RBFOX1: variants seen among roughly 807,000 people sequenced by gnomAD.
RBFOX1 encodes RNA binding fox-1 homolog 1.
In RBFOX1, 8 loss-of-function variants were observed where a neutral mutation model predicts 57.7. The observed-to-expected ratio is 0.14, with a 90% CI of 0.08 to 0.25. RBFOX1 has a LOEUF of 0.25. Among genes scored for constraint, RBFOX1 ranks in the 10% least tolerant of loss-of-function variants. The probability of loss-of-function intolerance (pLI) is 1.00; values close to 1 mark genes in which losing one functional copy is unlikely to be tolerated. For synonymous variants in RBFOX1, 326 were observed against 222.4 expected (o/e 1.47, Z -4.15); for missense variants, 611 against 548.5 (o/e 1.11, Z -1.14).
At chr16:6,311,351 T>C (rs979940721) in intron 1 of RBFOX1, among the ~76,000 whole-genome samples, 2 of 151,740 alleles carry the variant, frequency 1.3e-5, no homozygotes, top group African/African-American at 4.8e-5. Context: ...GGTTTTGTTC[T>C]TGTTAGGCTC....
At chr16:7,569,926 C>G (rs1286862682) in intron 5 of RBFOX1, among the ~76,000 whole-genome samples, 1 of 150,402 alleles carries the variant, frequency 6.6e-6, no homozygotes, top group African/African-American at 2.5e-5. Flanking sequence ...AATGTAAGTA[C>G]TGATACTTGA....
intron 2 of RBFOX1, among the ~76,000 whole-genome samples, chr16:6,343,752 G>A (rs1443124085): frequency 2.0e-5 from 3 of 152,168 alleles, no homozygotes; most frequent in Admixed American, 2.0e-4. Context: ...CTCGTCTTGA[G>A]ATTTGAATCA....
chr16:5,273,864 C>T (rs1050808582), intron 1 of RBFOX1, among the ~76,000 whole-genome samples: 12 of 152,282 alleles, frequency 7.9e-5, no homozygotes, highest in Non-Finnish European at 1.6e-4. Context: ...AGAATTCTTA[C>T]ATAAGCCCAT....
chr16:5,283,344 G>A (rs548275534), intron 1 of RBFOX1, among the ~76,000 whole-genome samples: 1 of 152,298 alleles, frequency 6.6e-6, no homozygotes, highest in South Asian at 2.1e-4. Flanking sequence ...ACCTAGTGGA[G>A]CTGTGAGAAG....
chr16:7,640,895 G>A (rs541341208), intron 11 of RBFOX1, among the ~76,000 whole-genome samples: 2 of 64,484 alleles, frequency 3.1e-5, no homozygotes, highest in Non-Finnish European at 6.2e-5. Flanking sequence ...AACTAATGTG[G>A]ATTTACATTA....
intron 5 of RBFOX1, among the ~76,000 whole-genome samples, chr16:7,542,579 G>A (rs1395803673): frequency 1.5e-4 from 23 of 151,960 alleles, no homozygotes; most frequent in Non-Finnish European, 7.4e-5. Flanking sequence ...ATGGGGCCGG[G>A]TGCAGTGGCT....
At chr16:7,061,296 C>G (rs1383243348) in intron 4 of RBFOX1, among the ~76,000 whole-genome samples, 2 of 152,088 alleles carry the variant, frequency 1.3e-5, no homozygotes, top group African/African-American at 2.4e-5. Flanking sequence ...TTCACAAGAC[C>G]TGTTCCATAC....
At chr16:5,852,359 G>C (rs563034617) in intron 3 of RBFOX1, among the ~76,000 whole-genome samples, 6 of 152,288 alleles carry the variant, frequency 3.9e-5, no homozygotes, top group African/African-American at 1.2e-4. Flanking sequence ...GGTGAGGGAA[G>C]GAACATGAGG....
chr16:5,622,315 T>A (rs951803398), intron 3 of RBFOX1, among the ~76,000 whole-genome samples: 1 of 152,210 alleles, frequency 6.6e-6, no homozygotes, highest in Non-Finnish European at 1.5e-5. Flanking sequence ...GGTGGGACAT[T>A]AATTATGCAT....
intron 3 of RBFOX1, among the ~76,000 whole-genome samples, chr16:5,658,635 T>C (rs1477298386): frequency 3.9e-5 from 6 of 151,948 alleles, no homozygotes; most frequent in Admixed American, 3.9e-4. Context: ...GTTACTTCCC[T>C]TAGAATAATA....
intron 2 of RBFOX1, among the ~76,000 whole-genome samples, chr16:5,495,352 G>GA (rs1054535637): frequency 6.6e-6 from 1 of 152,192 alleles, no homozygotes; most frequent in Non-Finnish European, 1.5e-5. Context: ...GACTGAGGGG[G>GA]AACGTGTTGC....
At chr16:7,287,063 G>C (rs116021100) in intron 4 of RBFOX1, among the ~76,000 whole-genome samples, 1,591 of 152,282 alleles carry the variant, frequency 0.01, 26 homozygotes, top group African/African-American at 0.035. Context: ...TGGCACAAAA[G>C]AGGTTAACTT....
intron 2 of RBFOX1, among the ~76,000 whole-genome samples, chr16:5,549,609 C>G (rs1024639396): frequency 4.6e-5 from 7 of 152,050 alleles, no homozygotes; most frequent in Admixed American, 3.9e-4. Flanking sequence ...CACAGTAAAA[C>G]CAGATGGGAA....
intron 4 of RBFOX1, among the ~76,000 whole-genome samples, chr16:7,438,789 A>G (rs1221455189): frequency 6.6e-6 from 1 of 152,160 alleles, no homozygotes; most frequent in Non-Finnish European, 1.5e-5. Context: ...ATAATTCAAT[A>G]GCGTAGCCTT....
intron 3 of RBFOX1, among the ~76,000 whole-genome samples, chr16:7,000,597 T>TTTTC (rs2092699889): frequency 1.5e-4 from 7 of 47,350 alleles, no homozygotes; most frequent in African/African-American, 5.3e-4. Context: ...TTTTTCTTTC[T>TTTTC]TTTTTTTTTT....
intron 4 of RBFOX1, among the ~76,000 whole-genome samples, chr16:7,249,729 T>A (rs1463004351): frequency 6.6e-6 from 1 of 152,204 alleles, no homozygotes; most frequent in African/African-American, 2.4e-5. Flanking sequence ...TTTCTTGTGC[T>A]ATCTCTGATT....
At position 6,412,375 on chromosome 16, in the gene RBFOX1, G is replaced by A. The variant is rs180811060; in HGVS notation, c.-64+95318G>A. ...TGGTCAACTTGGATTTCAGTCTTCC[G>A]TTTCTACCTTTTAAAGGAGGCCTTA... is the stretch of plus-strand genomic sequence containing the variant. On this transcript the variant is annotated intron_variant, in intron 2 of 15. Transcript: ENST00000550418. Among the ~76,000 whole-genome samples, 52 of 152,158 alleles carry A rather than the reference G, an allele frequency of 3.4e-4. No homozygotes were observed. The East Asian group carries it at 4.5e-3, about 13-fold the overall frequency.
chr16:7,383,776 G>T (rs1179273304), intron 4 of RBFOX1, among the ~76,000 whole-genome samples: 1 of 152,042 alleles, frequency 6.6e-6, no homozygotes, highest in Non-Finnish European at 1.5e-5. Flanking sequence ...CCCAAGTATG[G>T]CCTGGCGAGG....
rs140666003 is a variant in RBFOX1 at position 5,715,062 on chromosome 16, C to G, written c.318+116101C>G. Among the ~76,000 whole-genome samples, 989 of 152,328 alleles carry G rather than the reference C, an allele frequency of 6.5e-3. 8 individuals carry two copies. Among genetic ancestry groups the G allele is most frequent in the African/African-American group, 0.022 (901 of 41,566 alleles). ...GAGAAGGATAACTTTTCCTGCTTCT[C>G]CAGTCTTTTGTTGACGCAGCCGCCT... On this transcript the variant is annotated intron_variant, in intron 3 of 19. Coordinates refer to the RBFOX1 transcript ENST00000641259.
Sources: gnomAD v4.1 joint callset for allele counts (sites outside exome capture counted in the v4.1 genomes callset) on GRCh38, gnomAD v4.1.1 for gene constraint, MANE v1.5 for transcripts, NCBI Gene and HGNC (gene_info 2026-07-23, HGNC 2026-07-21) for gene names.